ZDHHC17: variants seen among roughly 807,000 people sequenced by gnomAD.
The protein encoded by ZDHHC17 is zDHHC palmitoyltransferase 17.
A neutral mutation model predicts 90.3 loss-of-function variants in ZDHHC17; 40 were observed. That is an observed-to-expected ratio of 0.44 (90% CI 0.34 to 0.58). The LOEUF (loss-of-function observed/expected upper bound fraction) is 0.58. ZDHHC17 is among the 20% of genes least tolerant of loss of function. The pLI is 0.01. For missense variants in ZDHHC17, 614 were observed against 780.8 expected, an observed-to-expected ratio of 0.79 and a Z score of 2.55; for synonymous variants, 235 against 252.4, an observed-to-expected ratio of 0.93 and a Z score of 0.65.
chr12:76,788,790 G>A (rs940724321), intron 1 of ZDHHC17, among the ~76,000 whole-genome samples: 7 of 140,980 alleles, frequency 5.0e-5, no homozygotes, highest in South Asian at 2.4e-4. Context: ...TCTGCCTCCC[G>A]GGTTCAAGCG....
At chr12:76,803,856 A>G (rs746946107) in intron 2 of ZDHHC17, among the ~76,000 whole-genome samples, 1 of 152,208 alleles carries the variant, frequency 6.6e-6, no homozygotes, top group Non-Finnish European at 1.5e-5. Context: ...TCCATCTATT[A>G]TAATCCACAG....
chr12:76,788,660 A>G (rs1285694158), intron 1 of ZDHHC17, among the ~76,000 whole-genome samples: 1 of 146,906 alleles, frequency 6.8e-6, no homozygotes, highest in Non-Finnish European at 1.5e-5. Context: ...GAACTAGGAT[A>G]GGAAAATATA....
At chr12:76,810,117 A>T (rs187312985) in intron 5 of ZDHHC17, among the ~76,000 whole-genome samples, 1,551 of 152,276 alleles carry the variant, frequency 0.01, 12 homozygotes, top group Non-Finnish European at 0.017. Context: ...AAATTAAGAG[A>T]GAAAATATAA....
At chr12:76,805,224 C>A in intron 2 of ZDHHC17, 93 bp from the exon 3 acceptor site, 1 of 1,184,152 alleles carries the variant, frequency 8.4e-7, no homozygotes, top group Non-Finnish European at 1.2e-6. Flanking sequence ...TTCCTAGTAT[C>A]AAAATGAGGA....
intron 1 of ZDHHC17, 28 bp downstream of exon 1, chr12:76,764,357 T>G (rs761245142): frequency 1.9e-6 from 3 of 1,550,388 alleles, no homozygotes; most frequent in East Asian, 4.7e-5. Context: ...GTGGATTCCT[T>G]GCCCTGCGGC....
intron 10 of ZDHHC17, among the ~76,000 whole-genome samples, chr12:76,833,599 T>C (rs1953329814): frequency 6.6e-6 from 1 of 151,876 alleles, no homozygotes. Context: ...GAGACCATCC[T>C]GGCTAACATG....
chr12:76,796,464 A>G (rs1389091786), intron 1 of ZDHHC17, among the ~76,000 whole-genome samples: 9 of 152,114 alleles, frequency 5.9e-5, no homozygotes, highest in Non-Finnish European at 1.0e-4. Flanking sequence ...TAAACTTTGA[A>G]TAGATGTAAT....
In ZDHHC17 at chr12:76,849,352, G is replaced by C. The variant is rs200732460; in HGVS notation, c.1666-24G>C. ...AAAAAAAAAAAAAAACAAGAATAAT[G>C]GTTTGCTTTTTCTTTCCTCTTAGAT... On this transcript the variant is annotated intron_variant, in intron 15 of 16. Transcript: ENST00000426126. The C allele has an allele frequency of 4.4e-5, 38 of 855,082 alleles. No individual in the cohort carries two copies. In the African/African-American group the frequency reaches 6.6e-4, roughly 15 times the overall value. The allele number at this position is 855,082 out of a possible 1,614,324, so 53.0% of individuals were successfully genotyped here.
At chr12:76,771,829 C>T (rs11115312) in intron 1 of ZDHHC17, among the ~76,000 whole-genome samples, 1,682 of 152,096 alleles carry the variant, frequency 0.011, 11 homozygotes, top group Non-Finnish European at 0.017. Context: ...ACAATCTTGT[C>T]TGAAACATAG....
intron 10 of ZDHHC17, 87 bp downstream of exon 10, chr12:76,828,577 C>G: frequency 1.8e-6 from 2 of 1,112,014 alleles, no homozygotes; most frequent in Non-Finnish European, 2.6e-6. Flanking sequence ...TAGGACTGAT[C>G]TACTCATTCA....
intron 11 of ZDHHC17, 33 bp from the exon 12 acceptor site, chr12:76,842,886 T>C (rs760384434): frequency 1.3e-6 from 2 of 1,536,804 alleles, no homozygotes; most frequent in East Asian, 4.8e-5. Flanking sequence ...CATTGTTCAG[T>C]TTTGAATTAA....
intron 13 of ZDHHC17, among the ~76,000 whole-genome samples, chr12:76,846,031 G>A (rs976666268): frequency 6.6e-6 from 1 of 152,070 alleles, no homozygotes; most frequent in Non-Finnish European, 1.5e-5. Flanking sequence ...GCCTACTCTT[G>A]ATAAGGAGGC....
chr12:76,820,670 C>T (rs1047452391), intron 7 of ZDHHC17, among the ~76,000 whole-genome samples: 5 of 152,098 alleles, frequency 3.3e-5, no homozygotes, highest in Admixed American at 3.3e-4. Flanking sequence ...AAATACCTGA[C>T]CTAAATGGTC....
At chr12:76,822,358 G>A (rs1373166847) in intron 7 of ZDHHC17, 48 bp from the exon 8 acceptor site, 3 of 1,597,114 alleles carry the variant, frequency 1.9e-6, no homozygotes, top group East Asian at 4.5e-5. Flanking sequence ...AACTAAGATA[G>A]CCTGCTTTTA....
At chr12:76,848,550 C>G (rs902989044) in intron 15 of ZDHHC17, among the ~76,000 whole-genome samples, 160 bp downstream of exon 15, 1 of 152,028 alleles carries the variant, frequency 6.6e-6, no homozygotes, top group African/African-American at 2.4e-5. Context: ...TTGCCCCTTC[C>G]TCTTCTCATA....
chr12:76,852,216 G>C lies in ZDHHC17; in HGVS notation c.*1231G>C, dbSNP rs1216867968. ...ACTGCTTCCATAAATATTGTTTACAGGGTGAGATTTGGTTTATTCATCTTA... is the reference window on the plus strand; with the variant it reads ...ACTGCTTCCATAAATATTGTTTACACGGTGAGATTTGGTTTATTCATCTTA... On this transcript the variant is annotated 3_prime_UTR_variant, in exon 17 of 17. Coordinates refer to ENST00000426126, the MANE Select transcript of ZDHHC17 (RefSeq NM_015336.4). The C allele has an allele frequency of 6.6e-6, 1 of 152,580 alleles. No homozygotes were observed. The highest frequency in any genetic ancestry group is 2.4e-5 in the African/African-American group (1 of 41,430). The allele number at this position is 152,580 out of a possible 1,614,324, so 9.5% of individuals were successfully genotyped here. A position where few individuals can be genotyped will look rare whatever the true frequency, so the allele number is the denominator to read the frequency against.
At chr12:76,792,652 A>G (rs1952772395) in intron 1 of ZDHHC17, among the ~76,000 whole-genome samples, 1 of 152,128 alleles carries the variant, frequency 6.6e-6, no homozygotes, top group South Asian at 2.1e-4. Flanking sequence ...AGCCAGGACT[A>G]TTAAAACAAA....
chr12:76,809,212 G>T (rs1213931014), intron 4 of ZDHHC17, 92 bp downstream of exon 4: 1 of 802,556 alleles, frequency 1.2e-6, no homozygotes, highest in African/African-American at 1.8e-5. Context: ...AAATGAATAG[G>T]AGAGCTTATT....
At position 76,850,936 on chromosome 12, in the gene ZDHHC17, A is replaced by G. The variant is rs1953559628; in HGVS notation, c.1850A>G (p.Tyr617Cys). ...GTTATCGTGGACTGGACCAGGCAGT[A>G]TACAATAGAATATGACCAAATATCA... ...RPVIVDWTRQ[Y>C]TIEYDQISGS... is the part of the protein sequence containing the mutation. Residue 617 changes from tyrosine (Y) to cysteine (C), a missense_variant, in exon 17 of 17, where the codon TAT (tyrosine) becomes TGT (cysteine). Coordinates refer to ENST00000426126, the MANE Select transcript of ZDHHC17 (RefSeq NM_015336.4). 1.2e-6 allele frequency: 2 copies of G among 1,613,936 alleles called. No homozygotes were observed. Among genetic ancestry groups the G allele is most frequent in the Non-Finnish European group, 1.7e-6 (2 of 1,179,864 alleles).
Sources: allele counts gnomAD v4.1 joint callset (sites outside exome capture counted in the v4.1 genomes callset), GRCh38; gene constraint gnomAD v4.1.1; transcripts MANE v1.5; gene names NCBI Gene and HGNC (gene_info 2026-07-23, HGNC 2026-07-21).